RRM2B: variants seen among roughly 807,000 people sequenced by gnomAD.
RRM2B encodes ribonucleotide reductase regulatory TP53 inducible subunit M2B.
A neutral mutation model predicts 45.9 loss-of-function variants in RRM2B; 20 were observed. That is an observed-to-expected ratio of 0.44 (90% CI 0.31 to 0.63). The LOEUF is 0.63. RRM2B is among the 30% of genes least tolerant of loss of function. RRM2B has a pLI of 0.09. For missense variants in RRM2B, 320 were observed against 414.7 expected, an observed-to-expected ratio of 0.77 and a Z score of 1.98; for synonymous variants, 124 against 132.3, an observed-to-expected ratio of 0.94 and a Z score of 0.43.
In RRM2B at chr8:102,207,345, A is replaced by G. The variant is rs559700946; in HGVS notation, c.*788T>C. 4 of 152,304 alleles carry G rather than the reference A, an allele frequency of 2.6e-5. No homozygotes were observed. Among genetic ancestry groups the G allele is most frequent in the Admixed American group, 2.6e-4 (4 of 15,308 alleles). 9.4% of individuals were successfully genotyped at this position (152,304 alleles called of 1,614,324 possible). A position where few individuals can be genotyped will look rare whatever the true frequency, so the allele number is the denominator to read the frequency against. ...TCTAGCCTGATTCTAAACATTCCAG[A>G]GCTAAATCTGGCAATAGTTATGTTT... On this transcript the variant is annotated 3_prime_UTR_variant, in exon 9 of 9. Transcript: ENST00000251810.
chr8:102,226,178 T>TAA, intron 2 of RRM2B, 144 bp from the exon 3 acceptor site: 6 of 560,724 alleles, frequency 1.1e-5, no homozygotes, highest in Non-Finnish European at 1.3e-5. Context: ...TGCAAAGAAA[T>TAA]AAAAAAAAAA....
Position 102,214,044 on chromosome 8 carries a change from C to T in RRM2B, c.789+10G>A. The T allele has an allele frequency of 1.3e-6, 2 of 1,581,130 alleles. No individual in the cohort carries two copies. The highest frequency in any genetic ancestry group is 1.7e-6 in the Non-Finnish European group (2 of 1,150,296). On this transcript the variant is annotated intron_variant, in intron 7 of 8. Coordinates refer to ENST00000251810, the MANE Select transcript of RRM2B (RefSeq NM_015713.5). ...AGAGATGTGCTAATTACACAAACTT[C>T]CCGGTTTACCTGCTCAATTTTGACA...
chr8:102,208,337 C>A, intron 8 of RRM2B, 52 bp from the exon 9 acceptor site: 1 of 1,324,408 alleles, frequency 7.6e-7, no homozygotes, highest in Non-Finnish European at 1.1e-6. Flanking sequence ...AAATTACATC[C>A]ACAATAAGAG....
At chr8:102,223,464 G>A (rs1241948634) in intron 5 of RRM2B, among the ~76,000 whole-genome samples, 1 of 152,116 alleles carries the variant, frequency 6.6e-6, no homozygotes. Flanking sequence ...AGGCCAAGGT[G>A]GGCGGGTCAC....
At chr8:102,227,949 C>T (rs568852460) in intron 2 of RRM2B, among the ~76,000 whole-genome samples, 49 of 152,282 alleles carry the variant, frequency 3.2e-4, no homozygotes, top group African/African-American at 1.1e-3. Flanking sequence ...ATATAGACAT[C>T]ATTTTGATAG....
Position 102,219,010 on chromosome 8 carries a change from T to C in RRM2B, c.551-63A>G, listed in dbSNP as rs1031932521. On this transcript the variant is annotated intron_variant, in intron 5 of 8. Transcript: ENST00000251810. ...CTGCAAACATTTGCATATATATATA[T>C]ACACATATATAACAATAAATACCAC... The C allele has an allele frequency of 3.3e-5, 48 of 1,443,122 alleles. 1 individual carries two copies. The East Asian group carries it at 6.6e-4, about 20-fold the overall frequency. The allele number at this position is 1,443,122 out of a possible 1,614,324, so 89.4% of individuals were successfully genotyped here.
At chr8:102,221,401 T>TA (rs762091686) in intron 5 of RRM2B, among the ~76,000 whole-genome samples, 2 of 152,178 alleles carry the variant, frequency 1.3e-5, no homozygotes, top group South Asian at 2.1e-4. Flanking sequence ...CTTTTCAACT[T>TA]AGAGCTACTA....
chr8:102,220,425 G>T (rs1014149026), intron 5 of RRM2B, among the ~76,000 whole-genome samples: 1 of 152,098 alleles, frequency 6.6e-6, no homozygotes, highest in East Asian at 1.9e-4. Context: ...GTGAATAAAA[G>T]AAAAATTGAT....
At position 102,214,140 on chromosome 8, in the gene RRM2B, C is replaced by T. The variant is rs1215473912; in HGVS notation, c.703G>A (p.Ala235Thr). 1 of 1,612,908 alleles carries T rather than the reference C, an allele frequency of 6.2e-7. No individual in the cohort carries two copies. ...SRDEGLHCDF[A>T]CLMFQYLVNK... Reference sequence around the variant, plus strand: ...ACTAAGTATTGGAACATCAGGCAAGCAAAGTCACAGTGAAGTCCCTAAAAG... The same window carrying T: ...ACTAAGTATTGGAACATCAGGCAAGTAAAGTCACAGTGAAGTCCCTAAAAG... Residue 235 changes from alanine to threonine, a missense_variant, in exon 7 of 9, where the codon GCT becomes ACT. Physicochemically the swap from Ala to Thr is moderately conservative, Grantham distance 58 (BLOSUM62 0). Coordinates refer to ENST00000251810, the MANE Select transcript of RRM2B (RefSeq NM_015713.5).
intron 8 of RRM2B, among the ~76,000 whole-genome samples, chr8:102,210,761 C>T (rs117677774): frequency 0.12 from 18,808 of 151,972 alleles, 1,590 homozygotes; most frequent in Admixed American, 0.22. Context: ...CTGTGCCCAG[C>T]CTTATTATTA....
In RRM2B at chr8:102,225,806, T is replaced by C. The variant is rs12681819; in HGVS notation, c.321+112A>G. 0.047 allele frequency: 34,722 copies of C among 741,658 alleles called. 3,599 individuals carry two copies. The highest frequency in any genetic ancestry group is 0.37 in the East Asian group (14,406 of 39,424). 45.9% of individuals were successfully genotyped at this position (741,658 alleles called of 1,614,324 possible). A position where few individuals can be genotyped will look rare whatever the true frequency, so the allele number is the denominator to read the frequency against. ...AAAACATTTAAAGAGTTAAGCTTCA[T>C]CTAGTTCATTTTTTAGACATCTTGT... is the stretch of plus-strand genomic sequence containing the variant. On this transcript the variant is annotated intron_variant, in intron 3 of 8. Transcript: ENST00000251810.
chr8:102,238,529 G>A (rs1483155528), intron 1 of RRM2B: 2 of 1,467,506 alleles, frequency 1.4e-6, no homozygotes, highest in Non-Finnish European at 1.8e-6. Flanking sequence ...GGGAGAGCGT[G>A]AGGCGGATAA....
At chr8:102,238,761 T>C in intron 1 of RRM2B, 66 bp downstream of exon 1, 1 of 1,612,542 alleles carries the variant, frequency 6.2e-7, no homozygotes, top group South Asian at 1.1e-5. Context: ...ACAGCGGTCC[T>C]GCAACTTGCA....
intron 1 of RRM2B, among the ~76,000 whole-genome samples, chr8:102,234,124 T>C (rs1308604666): frequency 6.6e-6 from 1 of 152,240 alleles, no homozygotes; most frequent in Admixed American, 6.5e-5. Flanking sequence ...ATACTTTTGT[T>C]ACTGGAAGTT....
intron 5 of RRM2B, among the ~76,000 whole-genome samples, chr8:102,221,268 A>G (rs1485574122): frequency 6.6e-6 from 1 of 152,230 alleles, no homozygotes. Flanking sequence ...AGCTAAAAAT[A>G]AAGGCTTATA....
intron 6 of RRM2B, among the ~76,000 whole-genome samples, chr8:102,215,057 A>T (rs1810704711): frequency 6.7e-6 from 1 of 149,670 alleles, no homozygotes; most frequent in Non-Finnish European, 1.5e-5. Context: ...AAAAAAAAAA[A>T]AAAAAAAAAA....
chr8:102,218,856 C>A lies in RRM2B; in HGVS notation c.642G>T (p.Met214Ile), dbSNP rs1276192986. The change falls in exon 6 of 9, where the codon ATG becomes ATT. Residue 214 changes from methionine to isoleucine, a missense_variant. Met to Ile is a conservative substitution (Grantham distance 10). Coordinates refer to ENST00000251810, the MANE Select transcript of RRM2B (RefSeq NM_015713.5). ...GTTCATTGGAAAAAGTGAGTCCTGG[C>A]ATAAGACCTCTCTTCTTTAGCCAGA... ...AIFWLKKRGLMPGLTFSNELI... is the reference protein window; with the variant it reads ...AIFWLKKRGLIPGLTFSNELI... 1.2e-6 allele frequency: 2 copies of A among 1,613,890 alleles called. No homozygotes were observed. The highest frequency in any genetic ancestry group is 1.7e-6 in the Non-Finnish European group (2 of 1,179,892).
chr8:102,225,103 C>A, intron 3 of RRM2B, 85 bp from the exon 4 acceptor site: 1 of 1,413,748 alleles, frequency 7.1e-7, no homozygotes, highest in Non-Finnish European at 9.9e-7. Flanking sequence ...TCAGCATTAT[C>A]GCTTAAAAAC....
chr8:102,230,615 GT>G (rs1246064201), intron 2 of RRM2B, among the ~76,000 whole-genome samples: 3 of 152,152 alleles, frequency 2.0e-5, no homozygotes, highest in African/African-American at 7.2e-5. Flanking sequence ...GTGTGGTTTG[GT>G]TTTTTGCTCT....
Sources: gnomAD v4.1 joint callset for allele counts (sites outside exome capture counted in the v4.1 genomes callset) on GRCh38, gnomAD v4.1.1 for gene constraint, MANE v1.5 for transcripts, NCBI Gene and HGNC (gene_info 2026-07-23, HGNC 2026-07-21) for gene names.